The following PRDM1 variants were observed in gnomAD, a reference collection of about 807,000 sequenced individuals.
PRDM1 encodes the protein PR/SET domain 1, also known as PR domain zinc finger protein 1.
In PRDM1, 13 loss-of-function variants were observed where a neutral mutation model predicts 62.8. The ratio of observed to expected loss-of-function variants is 0.21; its 90% CI spans 0.13 to 0.33. The LOEUF is 0.33. PRDM1 is among the 10% of genes least tolerant of loss of function. The pLI is 1.00. For missense variants in PRDM1, 895 were observed against 1,058.8 expected, an observed-to-expected ratio of 0.85 and a Z score of 2.15; for synonymous variants, 396 against 417.6, an observed-to-expected ratio of 0.95 and a Z score of 0.63.
At chr6:106,030,258 T>C (rs1772823834) in intron 1 of PRDM1, among the ~76,000 whole-genome samples, 1 of 152,156 alleles carries the variant, frequency 6.6e-6, no homozygotes, top group Non-Finnish European at 1.5e-5. Flanking sequence ...AACTTCAAAC[T>C]CCAGAGCTCA....
upstream of PRDM1, among the ~76,000 whole-genome samples, chr6:106,083,213 G>C (rs1017556049): frequency 9.7e-6 from 1 of 102,902 alleles, no homozygotes; most frequent in East Asian, 2.8e-4. Context: ...AAATGGGTGT[G>C]GGGGGTGAGG....
intron 1 of PRDM1, among the ~76,000 whole-genome samples, chr6:106,075,546 T>A (rs1773592924): frequency 1.3e-5 from 2 of 152,188 alleles, no homozygotes; most frequent in Admixed American, 6.5e-5. Context: ...GATCATCTCT[T>A]CCCTGGCCCT....
At chr6:106,053,008 C>T (rs553350973) in intron 1 of PRDM1, among the ~76,000 whole-genome samples, 23 of 151,832 alleles carry the variant, frequency 1.5e-4, no homozygotes, top group African/African-American at 5.6e-4. Flanking sequence ...GAAATTAAAA[C>T]CTAAAAAAAC....
intron 1 of PRDM1, among the ~76,000 whole-genome samples, chr6:106,037,709 G>A (rs2114572640): frequency 6.6e-6 from 1 of 151,716 alleles, no homozygotes; most frequent in Non-Finnish European, 1.5e-5. Flanking sequence ...TTTCTTTTTA[G>A]GTTTTCTATC....
chr6:106,043,483 A>G (rs1248121739), intron 1 of PRDM1, among the ~76,000 whole-genome samples: 1 of 152,168 alleles, frequency 6.6e-6, no homozygotes, highest in Non-Finnish European at 1.5e-5. Flanking sequence ...CATAGATCTA[A>G]TTATTACAAA....
Position 106,105,251 on chromosome 6 carries a change from G to A in PRDM1, c.1091G>A (p.Gly364Asp), listed in dbSNP as rs1408753231. Residue 364 changes from glycine (G) to aspartate (D), a missense_variant, in exon 5 of 7, where the codon GGC becomes GAC. Around this residue, in one of 4 missense-constraint regions of PRDM1, gnomAD observed 444 missense variants for 422.7 expected, o/e 1.05. Coordinates refer to ENST00000369096, the MANE Select transcript of PRDM1 (RefSeq NM_001198.4). ...SSPGNTVSPVGPGSQEHRDSY... is the reference protein window; with the variant it reads ...SSPGNTVSPVDPGSQEHRDSY... ...CCTGGGAATACGGTGTCCCCTGTGG[G>A]CCCCGGCTCTCAAGAGCACCGGGAC... 25 of 1,613,460 alleles carry A rather than the reference G, an allele frequency of 1.5e-5. No individual in the cohort carries two copies. Among genetic ancestry groups the A allele is most frequent in the Non-Finnish European group, 1.9e-5 (23 of 1,179,960 alleles).
At chr6:106,051,461 T>G (rs1197643597) in intron 1 of PRDM1, among the ~76,000 whole-genome samples, 2 of 152,220 alleles carry the variant, frequency 1.3e-5, no homozygotes, top group Non-Finnish European at 2.9e-5. Flanking sequence ...TTACTTAAAC[T>G]GCTATTTTCA....
intron 1 of PRDM1, among the ~76,000 whole-genome samples, chr6:106,036,740 A>T (rs1772930448): frequency 6.6e-6 from 1 of 152,150 alleles, no homozygotes. Context: ...CGGGCAGATC[A>T]CTTGAGGTCA....
rs2114661407 is a variant in PRDM1, at chr6:106,106,882, C to T, written c.1903-29C>T. On this transcript the variant is annotated intron_variant, in intron 6 of 6. Transcript: ENST00000369096. This position sits in a 1 kb window ranked among gnomAD's most constrained non-coding sequence, Gnocchi z 4.4. ...ATCTTCTGGCCTTCCTGTCTCCCTTCCCTGCTGTCTCTCTCCCCTACACTG... is the reference window on the plus strand; with the variant it reads ...ATCTTCTGGCCTTCCTGTCTCCCTTTCCTGCTGTCTCTCTCCCCTACACTG... 6.3e-7 allele frequency: 1 copy of T among 1,578,146 alleles called. No individual in the cohort carries two copies. Among genetic ancestry groups the T allele is most frequent in the Middle Eastern group, 1.7e-4 (1 of 5,906 alleles).
intron 4 of PRDM1, chr6:106,100,058 TCTTAG>T (rs1438792544): frequency 6.5e-6 from 1 of 153,876 alleles, no homozygotes; most frequent in Non-Finnish European, 1.4e-5. Context: ...AGATTTTACA[TCTTAG>T]CTTCCTTCCT....
At position 106,074,583 on chromosome 6, in the gene PRDM1, C is replaced by T. The variant is rs778172124; in HGVS notation, c.-66-13618C>T. Among the ~76,000 whole-genome samples, 72 of 152,120 alleles carry T rather than the reference C, an allele frequency of 4.7e-4. No individual in the cohort carries two copies. In the Middle Eastern group the frequency reaches 0.017, roughly 36 times the overall value. On this transcript the variant is annotated intron_variant, in intron 1 of 6. Transcript: ENST00000651185. ...TTGTTTCCATTAAAACCAAGTAGAA[C>T]TCTTTGGAGAGGCTTGGTAAATACT...
At chr6:106,098,623 CT>C in intron 3 of PRDM1, 3 of 1,323,556 alleles carry the variant, frequency 2.3e-6, no homozygotes, top group Non-Finnish European at 3.0e-6. Context: ...AAAGTGACTT[CT>C]CAGTAATAGA....
chr6:106,107,165 C>G lies in PRDM1; in HGVS notation c.2157C>G (p.Pro719=), dbSNP rs2114663989. 6.2e-7 allele frequency: 1 copy of G among 1,614,186 alleles called. No individual in the cohort carries two copies. Among genetic ancestry groups the G allele is most frequent in the Non-Finnish European group, 8.5e-7 (1 of 1,180,044 alleles). The change falls in exon 7 of 7, where the codon CCC becomes CCG. Residue 719 remains proline (P), a synonymous_variant. Coordinates refer to ENST00000369096, the MANE Select transcript of PRDM1 (RefSeq NM_001198.4). The stretch of plus-strand genomic sequence containing the variant: ...CTGCGGCCCCGGCGCCTGGGCTGCC[C>G]TTGGAAGATCTGACCCGAATCAATG... The part of the protein sequence containing the change: ...NCAAAPAPGL[P]LEDLTRINEE...
At chr6:106,099,076 T>C in intron 3 of PRDM1, 2 of 1,614,140 alleles carry the variant, frequency 1.2e-6, no homozygotes, top group Middle Eastern at 3.3e-4. Flanking sequence ...GAAAAGACGA[T>C]AAAACTGAAA....
rs1410923929 is a variant in PRDM1 at position 106,108,179 on chromosome 6, G to A, written c.*693G>A. ...GCAGGATTACCCAAGAATAACTTAA[G>A]TAGAAGAAACAAGAAAGGGAATCTT... On this transcript the variant is annotated 3_prime_UTR_variant, in exon 7 of 7. Transcript: ENST00000369096. The A allele has an allele frequency of 2.6e-5, 6 of 233,448 alleles. No homozygotes were observed. The highest frequency in any genetic ancestry group is 1.1e-4 in the African/African-American group (5 of 45,294). The allele number at this position is 233,448 out of a possible 1,614,324, so 14.5% of individuals were successfully genotyped here. A position where few individuals can be genotyped will look rare whatever the true frequency, so the allele number is the denominator to read the frequency against.
intron 3 of PRDM1, chr6:106,099,047 CT>C: frequency 6.2e-7 from 1 of 1,613,464 alleles, no homozygotes; most frequent in Non-Finnish European, 8.5e-7. Flanking sequence ...TTTCATTTTT[CT>C]GTTATTTTCC....
chr6:106,070,824 T>C (rs1156788455), intron 1 of PRDM1, among the ~76,000 whole-genome samples: 1 of 152,240 alleles, frequency 6.6e-6, no homozygotes, highest in Non-Finnish European at 1.5e-5. Flanking sequence ...CATATTGGGC[T>C]CTGACTGTGT....
At chr6:105,998,915 A>T (rs1268704168) in intron 1 of PRDM1, among the ~76,000 whole-genome samples, 2 of 6,172 alleles carry the variant, frequency 3.2e-4, no homozygotes, top group Non-Finnish European at 7.3e-4. Flanking sequence ...ATATATATAT[A>T]TATATATATA....
At chr6:106,002,729 C>T (rs554294840) in intron 1 of PRDM1, among the ~76,000 whole-genome samples, 1 of 152,216 alleles carries the variant, frequency 6.6e-6, no homozygotes, top group South Asian at 2.1e-4. Flanking sequence ...TTGAGGCATT[C>T]TATTCATTCC....
Sources: gnomAD v4.1 joint callset for allele counts (sites outside exome capture counted in the v4.1 genomes callset) on GRCh38, gnomAD v4.1.1 for gene constraint, gnomAD v4.1.1 regional missense constraint, Gnocchi (gnomAD v3.1) non-coding constraint, MANE v1.5 for transcripts, NCBI Gene and HGNC (gene_info 2026-07-23, HGNC 2026-07-21) for gene names.